The following PCDHGA4 variants were observed in gnomAD, a reference collection of about 807,000 sequenced individuals.
PCDHGA4 encodes the protein protocadherin gamma-A4.
A neutral mutation model predicts 54.6 loss-of-function variants in PCDHGA4; 38 were observed. The observed-to-expected ratio is 0.70, with a 90% CI of 0.54 to 0.91. The LOEUF (loss-of-function observed/expected upper bound fraction) is 0.91, where lower values mean the gene tolerates loss of function less well. Ranked by LOEUF, PCDHGA4 falls within the 40% of genes least tolerant of loss-of-function variation. The probability of loss-of-function intolerance (pLI) is 0.00; values close to 1 mark genes in which losing one functional copy is unlikely to be tolerated. For synonymous variants in PCDHGA4, 511 were observed against 512.9 expected (o/e 1.00, Z 0.05); for missense variants, 1,298 against 1,220.9 (o/e 1.06, Z -0.94).
At chr5:141,413,572 A>C in intron 1 of PCDHGA4, 2 of 1,613,890 alleles carry the variant, frequency 1.2e-6, no homozygotes, top group Non-Finnish European at 1.7e-6. Context: ...TATCAATGAC[A>C]ATGCTCCAAA....
At chr5:141,500,223 T>TATTG (rs1554186512) in intron 2 of PCDHGA4, among the ~76,000 whole-genome samples, 5 of 145,410 alleles carry the variant, frequency 3.4e-5, no homozygotes, top group African/African-American at 5.2e-5. Context: ...TTTATTTATT[T>TATTG]ATTGATACGT....
chr5:141,372,048 G>C (rs1331862731), intron 1 of PCDHGA4: 1 of 1,613,392 alleles, frequency 6.2e-7, no homozygotes, highest in African/African-American at 1.3e-5. Flanking sequence ...GCGCGTGTTG[G>C]TGGACGACCG....
At position 141,511,108 on chromosome 5, in the gene PCDHGA4, G is replaced by A; in HGVS notation, c.2824G>A (p.Asp942Asn). The A allele has an allele frequency of 6.2e-7, 1 of 1,614,244 alleles. No homozygotes were observed. The highest frequency in any genetic ancestry group is 2.2e-5 in the East Asian group (1 of 44,882). Residue 942 changes from aspartate (D) to asparagine (N), a missense_variant, in exon 4 of 4, where the codon GAT (aspartate) becomes AAT (asparagine). Physicochemically the swap from Asp to Asn is conservative, Grantham distance 23. Coordinates refer to ENST00000571252, the MANE Select transcript of PCDHGA4 (RefSeq NM_018917.4). ...ATLTNAAGKR[D>N]GKAPAGGNGN... Reference sequence around the variant, plus strand: ...ACTGACCAACGCAGCTGGCAAGCGGGATGGCAAGGCCCCAGCAGGTGGCAA... The same window carrying A: ...ACTGACCAACGCAGCTGGCAAGCGGAATGGCAAGGCCCCAGCAGGTGGCAA...
intron 1 of PCDHGA4, among the ~76,000 whole-genome samples, chr5:141,492,968 C>T: frequency 6.6e-6 from 1 of 152,240 alleles, no homozygotes; most frequent in East Asian, 1.9e-4. Flanking sequence ...GACACTCTAA[C>T]AAGTCCTGTC....
Position 141,512,089 on chromosome 5 carries a change from T to C in PCDHGA4, c.*916T>C, listed in dbSNP as rs1292597067. 6.6e-6 allele frequency: 1 copy of C among 152,606 alleles called. No individual in the cohort carries two copies. Among genetic ancestry groups the C allele is most frequent in the Non-Finnish European group, 1.5e-5 (1 of 68,068 alleles). 9.5% of individuals were successfully genotyped at this position (152,606 alleles called of 1,614,324 possible). A position where few individuals can be genotyped will look rare whatever the true frequency, so the allele number is the denominator to read the frequency against. ...CCTCCAGATTCCAGCCATAAACCAA[T>C]AACTAGGCTGGACCCTTCCCACTAC... On this transcript the variant is annotated 3_prime_UTR_variant, in exon 4 of 4. Coordinates refer to ENST00000571252, the MANE Select transcript of PCDHGA4 (RefSeq NM_018917.4).
chr5:141,364,548 A>G, intron 1 of PCDHGA4: 5 of 1,614,106 alleles, frequency 3.1e-6, no homozygotes, highest in Non-Finnish European at 4.2e-6. Context: ...GGTAGGACGC[A>G]GCTTTTTGCC....
intron 1 of PCDHGA4, chr5:141,375,606 A>T: frequency 6.2e-7 from 1 of 1,613,922 alleles, no homozygotes; most frequent in Non-Finnish European, 8.5e-7. Context: ...GTGTCCATCA[A>T]CTCCGACACT....
intron 1 of PCDHGA4, chr5:141,400,337 C>T: frequency 6.2e-7 from 1 of 1,614,080 alleles, no homozygotes; most frequent in Non-Finnish European, 8.5e-7. Context: ...GTGGTTCCCC[C>T]CAACTACAGT....
chr5:141,366,152 C>T (rs62378419), intron 1 of PCDHGA4: 45,753 of 1,614,134 alleles, frequency 0.028, 734 homozygotes, highest in Middle Eastern at 0.089. Flanking sequence ...GTCCTACCGC[C>T]TGCTTAAGGC....
In PCDHGA4 at chr5:141,362,122, A is replaced by G. The variant is rs772713796; in HGVS notation, c.2514+4501A>G. On this transcript the variant is annotated intron_variant, in intron 1 of 3. Transcript: ENST00000571252. Reference sequence around the variant, plus strand: ...CTCCGCTACGGCCACGCTGCACCTAATCTTCGCGGATAGCCTGCAAGAGGT... The same window carrying G: ...CTCCGCTACGGCCACGCTGCACCTAGTCTTCGCGGATAGCCTGCAAGAGGT... 5 of 1,613,798 alleles carry G rather than the reference A, an allele frequency of 3.1e-6. No individual in the cohort carries two copies. The South Asian group carries it at 3.3e-5, about 11-fold the overall frequency.
chr5:141,433,437 T>C (rs1422634356), intron 1 of PCDHGA4, among the ~76,000 whole-genome samples: 2 of 152,076 alleles, frequency 1.3e-5, no homozygotes, highest in Admixed American at 1.3e-4. Flanking sequence ...AGTCTCACTA[T>C]GTTGAGCAGG....
At chr5:141,372,077 G>A (rs533920380) in intron 1 of PCDHGA4, 223 of 1,613,592 alleles carry the variant, frequency 1.4e-4, no homozygotes, top group Non-Finnish European at 1.8e-4. Context: ...ATGCACCGCT[G>A]GTGCTGTACC....
intron 1 of PCDHGA4, chr5:141,478,104 C>T (rs1440105341): frequency 6.2e-7 from 1 of 1,614,118 alleles, no homozygotes; most frequent in South Asian, 1.1e-5. Flanking sequence ...GCTACCCTCA[C>T]TGTGTCAGTA....
chr5:141,365,396 A>G lies in PCDHGA4; in HGVS notation c.2514+7775A>G, dbSNP rs554930491. ...GATCCTCACCTCTCTGACCAGTTCG[A>G]TCTCTGAAGACTGTCTTCCCGGAAC... On this transcript the variant is annotated intron_variant, in intron 1 of 3. Coordinates refer to ENST00000571252, the MANE Select transcript of PCDHGA4 (RefSeq NM_018917.4). The G allele has an allele frequency of 3.7e-6, 6 of 1,613,940 alleles. No individual in the cohort carries two copies. The Admixed American group carries it at 1.0e-4, about 27-fold the overall frequency.
chr5:141,458,171 A>G (rs548935841), intron 1 of PCDHGA4, among the ~76,000 whole-genome samples: 74 of 152,336 alleles, frequency 4.9e-4, no homozygotes, highest in African/African-American at 1.6e-3. Flanking sequence ...TCACAGTAGT[A>G]TACCTTACTT....
intron 2 of PCDHGA4, among the ~76,000 whole-genome samples, chr5:141,502,431 G>A (rs998074347): frequency 1.3e-5 from 2 of 151,948 alleles, no homozygotes; most frequent in African/African-American, 4.8e-5. Context: ...TTCTCTGATG[G>A]TTAGATTCAG....
chr5:141,410,664 A>G, intron 1 of PCDHGA4: 1 of 1,570,058 alleles, frequency 6.4e-7, no homozygotes, highest in Non-Finnish European at 8.6e-7. Context: ...ATAGTCTACT[A>G]GTTTCTCATA....
rs530001704 is a variant in PCDHGA4, at chr5:141,434,708, ATC to A, written c.2515-60095_2515-60094del. 3.9e-3 allele frequency among the ~76,000 whole-genome samples: 589 copies of A among 152,052 alleles called. 6 individuals are homozygous for A. The highest frequency in any genetic ancestry group is 0.011 in the Admixed American group (170 of 15,250). ...TTGCTGTTAATAAATATGTGGGTAA[ATC>A]TCTGTTCAGGGCTCTCAGCTCTGAA... On this transcript the variant is annotated intron_variant, in intron 1 of 3. Coordinates refer to ENST00000571252, the MANE Select transcript of PCDHGA4 (RefSeq NM_018917.4).
At chr5:141,378,150 T>C (rs915126320) in intron 1 of PCDHGA4, 8 of 152,250 alleles carry the variant, frequency 5.3e-5, no homozygotes, top group African/African-American at 1.7e-4. Flanking sequence ...ATTATAATTA[T>C]TGGGTTGTTA....
Sources: allele counts gnomAD v4.1 joint callset (sites outside exome capture counted in the v4.1 genomes callset), GRCh38; gene constraint gnomAD v4.1.1; transcripts MANE v1.5; gene names NCBI Gene and HGNC (gene_info 2026-07-23, HGNC 2026-07-21).